SGCD: variants seen among roughly 807,000 people sequenced by gnomAD.
SGCD encodes the protein sarcoglycan delta.
A neutral mutation model predicts 36.6 loss-of-function variants in SGCD; 18 were observed. That is an observed-to-expected ratio of 0.49 (90% CI 0.34 to 0.73). SGCD has a LOEUF of 0.73. Among genes scored for constraint, SGCD ranks in the 30% least tolerant of loss-of-function variants. The pLI is 0.01. For missense variants in SGCD, 387 were observed against 346.7 expected (o/e 1.12, Z -0.92); for synonymous variants, 133 against 130.6 (o/e 1.02, Z -0.12).
chr5:156,360,424 T>G (rs1769725963), intron 3 of SGCD, among the ~76,000 whole-genome samples: 1 of 152,008 alleles, frequency 6.6e-6, no homozygotes, highest in African/African-American at 2.4e-5. Context: ...ATTTTTGTAT[T>G]TTTAGTAGAG....
chr5:156,650,226 A>T (rs1763409601), intron 7 of SGCD, among the ~76,000 whole-genome samples: 1 of 152,174 alleles, frequency 6.6e-6, no homozygotes, highest in African/African-American at 2.4e-5. Flanking sequence ...TAAATCTCCT[A>T]AGTCCAGTGC....
intron 1 of SGCD, among the ~76,000 whole-genome samples, chr5:156,071,889 C>T (rs955091131): frequency 6.6e-6 from 1 of 152,072 alleles, no homozygotes; most frequent in East Asian, 1.9e-4. Flanking sequence ...ATGTAATGGC[C>T]TTCTTTGTCT....
chr5:156,037,020 T>TC (rs1381813222), intron 1 of SGCD, among the ~76,000 whole-genome samples: 1 of 152,162 alleles, frequency 6.6e-6, no homozygotes, highest in Non-Finnish European at 1.5e-5. Context: ...TGTCTCAGTG[T>TC]CCCCATGGTT....
chr5:156,323,933 G>T (rs1767739670), upstream of SGCD, among the ~76,000 whole-genome samples: 1 of 152,144 alleles, frequency 6.6e-6, no homozygotes, highest in Admixed American at 6.5e-5. Flanking sequence ...CATAGTTTGA[G>T]CATTTACTGT....
intron 3 of SGCD, among the ~76,000 whole-genome samples, chr5:156,365,939 T>G (rs1031082960): frequency 6.6e-5 from 10 of 152,230 alleles, no homozygotes; most frequent in Admixed American, 3.3e-4. Flanking sequence ...TGTATGTATG[T>G]ATGCATAAAT....
At chr5:155,733,974 C>A in the SGCD span, among the ~76,000 whole-genome samples, 1 of 151,544 alleles carries the variant, frequency 6.6e-6, no homozygotes, top group Admixed American at 6.6e-5. Flanking sequence ...TGCTATGTGC[C>A]AGGTTCCATT....
intron 1 of SGCD, among the ~76,000 whole-genome samples, chr5:156,016,836 A>G (rs944530076): frequency 3.3e-5 from 5 of 152,078 alleles, no homozygotes; most frequent in African/African-American, 1.2e-4. Context: ...ATACTTTGCA[A>G]TTGTCTATGA....
At chr5:156,221,523 C>A (rs950732450) in intron 3 of SGCD, among the ~76,000 whole-genome samples, 3 of 151,736 alleles carry the variant, frequency 2.0e-5, no homozygotes, top group Non-Finnish European at 4.4e-5. Flanking sequence ...GAGAATAGCA[C>A]CTACCTTCTG....
intron 7 of SGCD, among the ~76,000 whole-genome samples, chr5:156,653,108 T>G (rs898237755): frequency 6.6e-6 from 1 of 152,110 alleles, no homozygotes; most frequent in Non-Finnish European, 1.5e-5. Flanking sequence ...GCTGGCTTCC[T>G]AGAACAAATT....
At chr5:155,936,733 G>T (rs1757210607) in intron 1 of SGCD, among the ~76,000 whole-genome samples, 1 of 152,184 alleles carries the variant, frequency 6.6e-6, no homozygotes, top group South Asian at 2.1e-4. Context: ...CTTCACTAGG[G>T]ACGCGCCCCC....
intron 3 of SGCD, among the ~76,000 whole-genome samples, chr5:156,372,736 C>T (rs1471029128): frequency 6.6e-6 from 1 of 152,202 alleles, no homozygotes; most frequent in African/African-American, 2.4e-5. Context: ...ACAAATTAGA[C>T]ATTTTGAAGC....
In SGCD at chr5:156,128,545, C is replaced by T. The variant is rs190704169; in HGVS notation, c.-44+4526C>T. 3.3e-5 allele frequency among the ~76,000 whole-genome samples: 5 copies of T among 152,276 alleles called. No homozygotes were observed. The East Asian group carries it at 7.7e-4, about 24-fold the overall frequency. ...ATGATATGGTTTGGCTCTGGGTCCC[C>T]ATCCAAATCTCGTCTCTAATTGTAA... On this transcript the variant is annotated intron_variant, in intron 3 of 9. Transcript: ENST00000517913.
intron 1 of SGCD, among the ~76,000 whole-genome samples, chr5:155,909,957 A>C (rs1756597529): frequency 6.6e-6 from 1 of 152,176 alleles, no homozygotes; most frequent in Non-Finnish European, 1.5e-5. Flanking sequence ...GTCTGGGAGC[A>C]AAAGACAAGT....
At chr5:156,427,559 A>C (rs1324600999) in intron 3 of SGCD, among the ~76,000 whole-genome samples, 3 of 151,886 alleles carry the variant, frequency 2.0e-5, no homozygotes, top group Non-Finnish European at 4.4e-5. Flanking sequence ...TCTGGCTAGG[A>C]CTTTCAGTAC....
chr5:156,579,887 T>C (rs1267966264), intron 4 of SGCD, among the ~76,000 whole-genome samples: 1 of 152,218 alleles, frequency 6.6e-6, no homozygotes, highest in Non-Finnish European at 1.5e-5. Context: ...TCTGTGTCTT[T>C]TAACTGGGGA....
the SGCD span, among the ~76,000 whole-genome samples, chr5:155,822,827 T>C: frequency 1.3e-5 from 2 of 152,182 alleles, no homozygotes; most frequent in South Asian, 2.1e-4. Context: ...TCCACAGGCA[T>C]AGTGTGCTTT....
chr5:156,070,478 A>T (rs1760511677), intron 1 of SGCD, among the ~76,000 whole-genome samples: 1 of 149,752 alleles, frequency 6.7e-6, no homozygotes, highest in East Asian at 1.9e-4. Flanking sequence ...CCAGGGATGA[A>T]GCCCACTTGA....
In SGCD at chr5:156,057,418, T is replaced by TA. The variant is rs561166230; in HGVS notation, c.-281-60454dup. On this transcript the variant is annotated intron_variant, in intron 1 of 9. Coordinates refer to the SGCD transcript ENST00000517913. ...TGCAGAGTATTTTGTGTGTGAGAAA[T>TA]AAAAAACAGCTGTGATAGATGAGTT... is the stretch of plus-strand genomic sequence containing the variant. Among the ~76,000 whole-genome samples the TA allele has an allele frequency of 3.1e-3, 461 of 146,540 alleles. 33 individuals carry two copies. The highest frequency in any genetic ancestry group is 0.011 in the African/African-American group (442 of 40,826).
chr5:156,749,719 A>AACTT (rs1757080569), intron 7 of SGCD, among the ~76,000 whole-genome samples: 1 of 152,138 alleles, frequency 6.6e-6, no homozygotes, highest in Non-Finnish European at 1.5e-5. Flanking sequence ...AAAAAAAGCT[A>AACTT]ACTTACAAAA....
Sources: gnomAD v4.1 joint callset for allele counts (sites outside exome capture counted in the v4.1 genomes callset) on GRCh38, gnomAD v4.1.1 for gene constraint, MANE v1.5 for transcripts, NCBI Gene and HGNC (gene_info 2026-07-23, HGNC 2026-07-21) for gene names.